PIBF1: variants seen among roughly 807,000 people sequenced by gnomAD.
PIBF1 encodes progesterone-induced-blocking factor 1.
PIBF1 carries 90 observed loss-of-function variants against 112.5 expected under a neutral mutation model. That is an observed-to-expected ratio of 0.80 (90% CI 0.67 to 0.95). The LOEUF (loss-of-function observed/expected upper bound fraction) is 0.95. PIBF1 is among the 40% of genes least tolerant of loss of function. The pLI, the probability that PIBF1 is intolerant of heterozygous loss-of-function variation, is 0.00. For synonymous variants in PIBF1, 301 were observed against 288.6 expected (o/e 1.04, Z -0.44); for missense variants, 915 against 852.3 (o/e 1.07, Z -0.92).
At chr13:72,919,585 G>A (rs1291684476) in intron 13 of PIBF1, among the ~76,000 whole-genome samples, 1 of 152,138 alleles carries the variant, frequency 6.6e-6, no homozygotes, top group African/African-American at 2.4e-5. Flanking sequence ...TAAATGATAG[G>A]TAAAATACTA....
At chr13:72,788,391 G>A (rs1263754708) in intron 2 of PIBF1, among the ~76,000 whole-genome samples, 1 of 152,212 alleles carries the variant, frequency 6.6e-6, no homozygotes, top group Non-Finnish European at 1.5e-5. Context: ...GCTTAAGCAA[G>A]AGAAGGATTT....
chr13:72,986,240 A>C (rs1285975813), intron 16 of PIBF1, among the ~76,000 whole-genome samples: 1 of 152,166 alleles, frequency 6.6e-6, no homozygotes, highest in Admixed American at 6.5e-5. Flanking sequence ...CCAGATGACT[A>C]CTGTTAATAG....
chr13:72,876,698 T>A (rs2138466156), intron 10 of PIBF1, among the ~76,000 whole-genome samples: 1 of 152,294 alleles, frequency 6.6e-6, no homozygotes, highest in African/African-American at 2.4e-5. Context: ...TAAATGTTAC[T>A]GTGTTTTTAA....
chr13:72,943,549 T>C (rs1427760613), intron 14 of PIBF1, among the ~76,000 whole-genome samples: 1 of 152,234 alleles, frequency 6.6e-6, no homozygotes, highest in Non-Finnish European at 1.5e-5. Context: ...TCATGACTTA[T>C]TTTTAAAGGC....
intron 5 of PIBF1, among the ~76,000 whole-genome samples, chr13:72,815,567 G>A (rs2036228875): frequency 6.6e-6 from 1 of 152,184 alleles, no homozygotes; most frequent in Admixed American, 6.5e-5. Flanking sequence ...TTCAGTTATA[G>A]TCTCCTTTTT....
At chr13:72,830,503 C>T (rs964530057) in intron 8 of PIBF1, among the ~76,000 whole-genome samples, 8 of 152,056 alleles carry the variant, frequency 5.3e-5, no homozygotes, top group Non-Finnish European at 8.8e-5. Context: ...TGAATTTTGT[C>T]AAAGGCCTTT....
At chr13:72,859,771 T>C (rs957784952) in intron 10 of PIBF1, among the ~76,000 whole-genome samples, 4 of 152,166 alleles carry the variant, frequency 2.6e-5, no homozygotes, top group African/African-American at 7.2e-5. Flanking sequence ...ATAGAAGTTA[T>C]ATGTAGAATG....
intron 11 of PIBF1, among the ~76,000 whole-genome samples, chr13:72,900,622 C>T (rs2040449705): frequency 6.6e-6 from 1 of 152,178 alleles, no homozygotes; most frequent in Admixed American, 6.5e-5. Context: ...AGGACTTAAA[C>T]CTAAGACCCA....
chr13:72,997,333 T>C (rs1247540003), intron 16 of PIBF1, among the ~76,000 whole-genome samples: 2 of 152,162 alleles, frequency 1.3e-5, no homozygotes, highest in African/African-American at 2.4e-5. Context: ...TACTTCACCA[T>C]AGTGGAGCAT....
intron 13 of PIBF1, among the ~76,000 whole-genome samples, chr13:72,918,147 T>TC (rs1447366327): frequency 2.6e-5 from 4 of 152,118 alleles, no homozygotes; most frequent in Non-Finnish European, 5.9e-5. Context: ...CCACATCAAA[T>TC]CCATCAAATC....
At chr13:72,816,489 C>G (rs545280087) in intron 5 of PIBF1, among the ~76,000 whole-genome samples, 1 of 151,836 alleles carries the variant, frequency 6.6e-6, no homozygotes, top group African/African-American at 2.4e-5. Flanking sequence ...ATGGCAAAAC[C>G]CTTTCTCTAC....
intron 9 of PIBF1, among the ~76,000 whole-genome samples, chr13:72,848,987 C>G (rs2038005751): frequency 6.6e-6 from 1 of 152,090 alleles, no homozygotes; most frequent in African/African-American, 2.4e-5. Context: ...AAAAAGTGCA[C>G]CAGGTTGAAA....
intron 16 of PIBF1, among the ~76,000 whole-genome samples, chr13:72,989,691 TTGAC>T (rs1209934611): frequency 6.6e-6 from 1 of 152,202 alleles, no homozygotes; most frequent in Non-Finnish European, 1.5e-5. Context: ...TATTTTAAAA[TTGAC>T]TGGTAATTGT....
rs879492655 is a variant in PIBF1 at position 72,901,688 on chromosome 13, GA to G, written c.1489-6831del. On this transcript the variant is annotated intron_variant, in intron 11 of 17. Coordinates refer to ENST00000326291, the MANE Select transcript of PIBF1 (RefSeq NM_006346.4). ...TGACAAGAGCGAGACTCCTTCTCAA[GA>G]AAAAAAAAAAACCAACCAGTAGATG... Among the ~76,000 whole-genome samples the G allele has an allele frequency of 2.7e-3, 385 of 140,332 alleles. 1 individual carries two copies. Among genetic ancestry groups the G allele is most frequent in the African/African-American group, 8.3e-3 (318 of 38,498 alleles). The allele number at this position is 140,332 out of a possible 152,430, so 92.1% of individuals were successfully genotyped here.
rs79702718 is a variant in PIBF1, at chr13:72,973,736, G to A, written c.2049+61G>A. The A allele has an allele frequency of 2.7e-3, 2,343 of 883,560 alleles. 36 individuals are homozygous for A. In the African/African-American group the frequency reaches 0.035, roughly 13 times the overall value. 54.7% of individuals were successfully genotyped at this position (883,560 alleles called of 1,614,324 possible). ...TAGGCTTTTTTAAAAACTGCTATCAGGTTAAAATTATTGGATCCCAGTTGT... is the reference window on the plus strand; with the variant it reads ...TAGGCTTTTTTAAAAACTGCTATCAAGTTAAAATTATTGGATCCCAGTTGT... On this transcript the variant is annotated intron_variant, in intron 16 of 17. Transcript: ENST00000326291.
chr13:72,888,735 G>T (rs1306325588), intron 10 of PIBF1, among the ~76,000 whole-genome samples: 1 of 151,672 alleles, frequency 6.6e-6, no homozygotes, highest in East Asian at 1.9e-4. Flanking sequence ...ATGAAAAAAG[G>T]AAGTTACAGA....
chr13:73,005,483 T>C (rs940454016), intron 17 of PIBF1, among the ~76,000 whole-genome samples: 2 of 151,372 alleles, frequency 1.3e-5, no homozygotes, highest in Non-Finnish European at 2.9e-5. Context: ...CAAAATAATA[T>C]ATATAAAATG....
At chr13:72,887,948 C>T (rs2039920376) in intron 10 of PIBF1, among the ~76,000 whole-genome samples, 1 of 152,160 alleles carries the variant, frequency 6.6e-6, no homozygotes, top group African/African-American at 2.4e-5. Flanking sequence ...AAGGTCAATA[C>T]AGTAGAAGCC....
intron 11 of PIBF1, among the ~76,000 whole-genome samples, chr13:72,899,247 A>G (rs934950041): frequency 7.2e-5 from 11 of 152,174 alleles, no homozygotes; most frequent in African/African-American, 2.7e-4. Flanking sequence ...AGATAGAGAA[A>G]GAAGGAACCC....
Sources: gnomAD v4.1 joint callset for allele counts (sites outside exome capture counted in the v4.1 genomes callset) on GRCh38, gnomAD v4.1.1 for gene constraint, MANE v1.5 for transcripts, NCBI Gene and HGNC (gene_info 2026-07-23, HGNC 2026-07-21) for gene names.